The following DYNC2I2 variants were observed in gnomAD, a reference collection of about 807,000 sequenced individuals.
The protein encoded by DYNC2I2 is cytoplasmic dynein 2 intermediate chain 2.
In DYNC2I2, 39 loss-of-function variants were observed where a neutral mutation model predicts 52.0. The ratio of observed to expected loss-of-function variants is 0.75; its 90% confidence interval spans 0.58 to 0.98. The LOEUF is 0.98. DYNC2I2 is among the 50% of genes least tolerant of loss of function. The pLI, the probability that DYNC2I2 is intolerant of heterozygous loss-of-function variation, is 0.00. For synonymous variants in DYNC2I2, 359 were observed against 321.1 expected (o/e 1.12, Z -1.26); for missense variants, 743 against 728.4 (o/e 1.02, Z -0.23).
At chr9:128,668,088 G>A in the DYNC2I2 span, among the ~76,000 whole-genome samples, 1 of 151,200 alleles carries the variant, frequency 6.6e-6, no homozygotes, top group East Asian at 2.0e-4. Context: ...AGCCTCCCGA[G>A]TAGCTGGGAT....
the DYNC2I2 span, among the ~76,000 whole-genome samples, chr9:128,681,077 G>A: frequency 3.3e-5 from 5 of 152,054 alleles, no homozygotes; most frequent in African/African-American, 9.6e-5. Context: ...ACATCATTCC[G>A]AGTACCAGTC....
chr9:128,656,774 G>T lies in DYNC2I2; in HGVS notation c.-48C>A. On this transcript the variant is annotated 5_prime_UTR_variant, in exon 1 of 9. Coordinates refer to ENST00000372715, the MANE Select transcript of DYNC2I2 (RefSeq NM_052844.4). ...GCGGACGCACTCAGGCGCGACCTCC[G>T]CCCCTACGCCGCCATGAGCGGAAAA... The T allele has an allele frequency of 3.8e-6, 5 of 1,311,500 alleles. No homozygotes were observed. Among genetic ancestry groups the T allele is most frequent in the Non-Finnish European group, 4.9e-6 (5 of 1,028,372 alleles). 81.2% of individuals were successfully genotyped at this position (1,311,500 alleles called of 1,614,324 possible).
the DYNC2I2 span, among the ~76,000 whole-genome samples, chr9:128,681,847 A>G: frequency 6.6e-6 from 1 of 152,102 alleles, no homozygotes; most frequent in African/African-American, 2.4e-5. Context: ...CTGAAGCAGG[A>G]GGATCACTTA....
the DYNC2I2 span, among the ~76,000 whole-genome samples, chr9:128,675,740 C>T: frequency 6.6e-6 from 1 of 152,128 alleles, no homozygotes; most frequent in African/African-American, 2.4e-5. Context: ...ATCTGGTACT[C>T]CCTGAGCCTG....
chr9:128,674,167 G>A, the DYNC2I2 span, among the ~76,000 whole-genome samples: 2 of 148,656 alleles, frequency 1.3e-5, no homozygotes, highest in South Asian at 2.1e-4. Flanking sequence ...ATGGAGTCTC[G>A]CTCTGTTGCC....
chr9:128,655,035 A>C (rs1275011546), intron 1 of DYNC2I2, among the ~76,000 whole-genome samples: 1 of 151,928 alleles, frequency 6.6e-6, no homozygotes, highest in African/African-American at 2.4e-5. Flanking sequence ...CCAACCCTTG[A>C]ACCGCTCCTA....
intron 5 of DYNC2I2, 47 bp from the exon 6 acceptor site, chr9:128,635,306 C>T: frequency 6.3e-7 from 1 of 1,585,144 alleles, no homozygotes; most frequent in Non-Finnish European, 8.6e-7. Context: ...GGGACACCTG[C>T]CCAGGTGTCA....
intron 1 of DYNC2I2, among the ~76,000 whole-genome samples, chr9:128,654,656 C>G (rs542113376): frequency 6.6e-6 from 1 of 152,294 alleles, no homozygotes; most frequent in Admixed American, 6.5e-5. Context: ...CTCCTGGGCT[C>G]AAGGGATCCT....
intron 7 of DYNC2I2, 142 bp downstream of exon 7, chr9:128,634,547 C>T: frequency 7.8e-7 from 1 of 1,279,000 alleles, no homozygotes; most frequent in Non-Finnish European, 1.1e-6. Context: ...ATGCCTGGGC[C>T]AACCACCAAA....
rs1564337576 is a variant in DYNC2I2 at position 128,634,208 on chromosome 9, C to T, written c.1372+18G>A. On this transcript the variant is annotated intron_variant, in intron 8 of 8. Transcript: ENST00000372715. ...ACCCACCCCTTAAACAGATCCAGGC[C>T]TAGCGGCCCCTTCCTACCTTTCCCA... 6.2e-7 allele frequency: 1 copy of T among 1,613,158 alleles called. No homozygotes were observed. Among genetic ancestry groups the T allele is most frequent in the Admixed American group, 1.7e-5 (1 of 59,958 alleles).
intron 1 of DYNC2I2, among the ~76,000 whole-genome samples, chr9:128,646,789 C>T (rs1031758502): frequency 6.6e-6 from 1 of 151,772 alleles, no homozygotes; most frequent in African/African-American, 2.4e-5. Context: ...TTGTGACCAG[C>T]CTAGGCAACA....
In DYNC2I2 at chr9:128,656,712, C is replaced by T. The variant is rs575543351; in HGVS notation, c.15G>A (p.Ala5=). 1.1e-4 allele frequency: 163 copies of T among 1,430,846 alleles called. No homozygotes were observed. The East Asian group carries it at 4.5e-3, about 40-fold the overall frequency. The allele number at this position is 1,430,846 out of a possible 1,614,324, so 88.6% of individuals were successfully genotyped here. The change falls in exon 1 of 9, where the codon GCG becomes GCA. Residue 5 remains alanine, a synonymous_variant. Coordinates refer to ENST00000372715, the MANE Select transcript of DYNC2I2 (RefSeq NM_052844.4). Reference sequence around the variant, plus strand: ...CCGCCTGGCTGAGTGGCCCCGGCTGCGCGCGGGTTGCCATGGAGACGGTTC... The same window carrying T: ...CCGCCTGGCTGAGTGGCCCCGGCTGTGCGCGGGTTGCCATGGAGACGGTTC... MATR[A]QPGPLSQAGS...
chr9:128,643,263 A>G (rs1860551536), intron 1 of DYNC2I2, among the ~76,000 whole-genome samples: 1 of 152,256 alleles, frequency 6.6e-6, no homozygotes, highest in African/African-American at 2.4e-5. Context: ...GCAGTGGCTC[A>G]TGCCTGTAAT....
chr9:128,634,748 C>G lies in DYNC2I2; in HGVS notation c.1155G>C (p.Gln385His), dbSNP rs138263531. 72 of 1,602,434 alleles carry G rather than the reference C, an allele frequency of 4.5e-5. No individual in the cohort carries two copies. The highest frequency in any genetic ancestry group is 3.3e-4 in the Middle Eastern group (2 of 6,060). The part of the protein sequence containing the change: ...PSSVPLRAPA[Q>H]FTFSPHGGPI... Reference sequence around the variant, plus strand: ...GACCGCCGTGGGGGGAGAAGGTAAACTGTGCTGGGGCCCGCAGGGGCACGG... The same window carrying G: ...GACCGCCGTGGGGGGAGAAGGTAAAGTGTGCTGGGGCCCGCAGGGGCACGG... Residue 385 changes from glutamine (Q) to histidine (H), a missense_variant, in exon 7 of 9, where the codon CAG becomes CAC. By Grantham distance (24) the Gln-to-His change is conservative (BLOSUM62 0). Coordinates refer to ENST00000372715, the MANE Select transcript of DYNC2I2 (RefSeq NM_052844.4).
intron 2 of DYNC2I2, among the ~76,000 whole-genome samples, chr9:128,640,025 T>TTTTTTTTTA (rs1589431430): frequency 6.1e-5 from 9 of 148,622 alleles, no homozygotes; most frequent in Admixed American, 1.3e-4. Flanking sequence ...TTTTTTTTTT[T>TTTTTTTTTA]GAGACAGAGT....
chr9:128,643,027 CATGAAGG>C (rs1386923223), intron 1 of DYNC2I2, among the ~76,000 whole-genome samples: 7 of 152,112 alleles, frequency 4.6e-5, no homozygotes, highest in Non-Finnish European at 1.0e-4. Context: ...ATGTGAAGGA[CATGAAGG>C]AGCCGGCCAA....
chr9:128,673,109 T>C, the DYNC2I2 span, among the ~76,000 whole-genome samples: 1 of 152,212 alleles, frequency 6.6e-6, no homozygotes. Flanking sequence ...ATCATGTATA[T>C]GTGCCAGGAC....
At chr9:128,636,721 G>A (rs1270697066) in intron 3 of DYNC2I2, among the ~76,000 whole-genome samples, 197 bp downstream of exon 3, 2 of 152,152 alleles carry the variant, frequency 1.3e-5, no homozygotes, top group Non-Finnish European at 2.9e-5. Context: ...AGGCAGGGGG[G>A]AGGGTGATCC....
Position 128,643,856 on chromosome 9 carries a change from G to A in DYNC2I2, c.187-2917C>T, listed in dbSNP as rs561212890. ...GCCTGCTTTGGACTCAGATGCCTCAGCCACCCACGGGGAGGCACCAAGTAT... is the reference window on the plus strand; with the variant it reads ...GCCTGCTTTGGACTCAGATGCCTCAACCACCCACGGGGAGGCACCAAGTAT... On this transcript the variant is annotated intron_variant, in intron 1 of 8. Transcript: ENST00000372715. Among the ~76,000 whole-genome samples, 7 of 152,268 alleles carry A rather than the reference G, an allele frequency of 4.6e-5. No homozygotes were observed. In the South Asian group the frequency reaches 1.5e-3, roughly 32 times the overall value.
Sources: allele counts gnomAD v4.1 joint callset (sites outside exome capture counted in the v4.1 genomes callset), GRCh38; gene constraint gnomAD v4.1.1; transcripts MANE v1.5; gene names NCBI Gene and HGNC (gene_info 2026-07-23, HGNC 2026-07-21).